CTTNBP2: variants seen among roughly 807,000 people sequenced by gnomAD.
The protein encoded by CTTNBP2 is cortactin-binding protein 2.
CTTNBP2 carries 108 observed loss-of-function variants against 156.9 expected under a neutral mutation model. The ratio of observed to expected loss-of-function variants is 0.69; its 90% confidence interval spans 0.59 to 0.81. The LOEUF is 0.81. CTTNBP2 is among the 30% of genes least tolerant of loss of function. The pLI is 0.00. For missense variants in CTTNBP2, 1,924 were observed against 2,035.4 expected (o/e 0.95, Z 1.05); for synonymous variants, 767 against 751.8 (o/e 1.02, Z -0.33).
intron 2 of CTTNBP2, among the ~76,000 whole-genome samples, chr7:117,813,104 T>C (rs1800383881): frequency 2.0e-5 from 3 of 152,162 alleles, no homozygotes; most frequent in African/African-American, 7.2e-5. Context: ...AGGAATGTCG[T>C]ACCGGACTGG....
chr7:117,819,365 T>A (rs1349278217), intron 2 of CTTNBP2, among the ~76,000 whole-genome samples: 28 of 136,918 alleles, frequency 2.0e-4, no homozygotes, highest in Admixed American at 4.3e-4. Flanking sequence ...CTTCTCTCTC[T>A]CTCACACACA....
intron 7 of CTTNBP2, among the ~76,000 whole-genome samples, chr7:117,779,786 G>A (rs1266915388): frequency 1.3e-5 from 2 of 151,654 alleles, no homozygotes; most frequent in African/African-American, 4.8e-5. Flanking sequence ...TTGAGGCAGA[G>A]TTTTGCTCTT....
chr7:117,860,589 C>T (rs968285953), intron 2 of CTTNBP2, among the ~76,000 whole-genome samples: 5 of 152,104 alleles, frequency 3.3e-5, no homozygotes, highest in Admixed American at 2.6e-4. Context: ...ATGATCCGCC[C>T]ACCTCGGCCT....
chr7:117,758,965 C>G (rs1464331446), intron 10 of CTTNBP2, among the ~76,000 whole-genome samples: 1 of 152,148 alleles, frequency 6.6e-6, no homozygotes, highest in Admixed American at 6.5e-5. Context: ...GATGGGGGGC[C>G]ATTTCCTTCA....
chr7:117,784,473 C>T lies in CTTNBP2; in HGVS notation c.2069-19G>A. On this transcript the variant is annotated intron_variant, in intron 4 of 22. Coordinates refer to ENST00000160373, the MANE Select transcript of CTTNBP2 (RefSeq NM_033427.3). ...GACCAGCCTGTAGGTTAAAGTGACC[C>T]TCGTTAGAGAGTAGGAGCAAGGACA... 6.5e-7 allele frequency: 1 copy of T among 1,545,130 alleles called. No homozygotes were observed. The highest frequency in any genetic ancestry group is 8.7e-7 in the Non-Finnish European group (1 of 1,149,506).
chr7:117,860,686 A>G (rs1020811545), intron 2 of CTTNBP2, among the ~76,000 whole-genome samples: 1 of 152,220 alleles, frequency 6.6e-6, no homozygotes, highest in Non-Finnish European at 1.5e-5. Context: ...AAGCAATTAC[A>G]GAAATATTTC....
chr7:117,799,370 T>C (rs963262359), intron 3 of CTTNBP2, among the ~76,000 whole-genome samples: 1 of 151,958 alleles, frequency 6.6e-6, no homozygotes, highest in African/African-American at 2.4e-5. Context: ...AAAATCAATC[T>C]GTGTAACTCA....
chr7:117,772,254 G>A (rs1044158330), intron 8 of CTTNBP2, among the ~76,000 whole-genome samples: 1 of 152,224 alleles, frequency 6.6e-6, no homozygotes, highest in African/African-American at 2.4e-5. Flanking sequence ...GACAGCAGAT[G>A]ATGAGGGCTC....
At chr7:117,795,681 T>C (rs1430618386) in intron 3 of CTTNBP2, among the ~76,000 whole-genome samples, 1 of 152,216 alleles carries the variant, frequency 6.6e-6, no homozygotes, top group Non-Finnish European at 1.5e-5. Flanking sequence ...GAGTTCCAAG[T>C]GGAGAGCAAT....
At chr7:117,826,905 A>C (rs1801323267) in intron 2 of CTTNBP2, among the ~76,000 whole-genome samples, 1 of 150,744 alleles carries the variant, frequency 6.6e-6, no homozygotes, top group Non-Finnish European at 1.5e-5. Context: ...TCTGCTGTCC[A>C]GGCTGGAGTG....
intron 22 of CTTNBP2, among the ~76,000 whole-genome samples, chr7:117,714,977 G>A (rs946813842): frequency 2.0e-5 from 3 of 152,184 alleles, no homozygotes. Flanking sequence ...ATATTGCTGT[G>A]CATGTTAAAC....
chr7:117,748,062 A>C (rs1236972712), intron 12 of CTTNBP2, among the ~76,000 whole-genome samples: 1 of 152,162 alleles, frequency 6.6e-6, no homozygotes, highest in African/African-American at 2.4e-5. Context: ...GCAGGCAAGG[A>C]CCAAACCTGG....
chr7:117,772,457 C>G (rs1797848221), intron 8 of CTTNBP2, among the ~76,000 whole-genome samples: 1 of 152,046 alleles, frequency 6.6e-6, no homozygotes. Flanking sequence ...GCCAAGAAGC[C>G]TAAACATTAG....
chr7:117,803,135 C>T (rs1799729552), intron 3 of CTTNBP2, among the ~76,000 whole-genome samples: 1 of 149,970 alleles, frequency 6.7e-6, no homozygotes, highest in South Asian at 2.1e-4. Flanking sequence ...AACCTAGGTG[C>T]CCATCAACAG....
At chr7:117,740,743 C>T (rs1333624913) in intron 14 of CTTNBP2, among the ~76,000 whole-genome samples, 1 of 152,218 alleles carries the variant, frequency 6.6e-6, no homozygotes, top group East Asian at 1.9e-4. Flanking sequence ...AAGGATCATT[C>T]CCTGCTGCAT....
intron 22 of CTTNBP2, among the ~76,000 whole-genome samples, chr7:117,713,411 A>ATTTCTTCAATACTAATTTCTAAAGCCTT (rs1483518787): frequency 6.6e-6 from 1 of 152,074 alleles, no homozygotes; most frequent in East Asian, 1.9e-4. Flanking sequence ...TATTTATTGC[A>ATTTCTTCAATACTAATTTCTAAAGCCTT]TTTCTTCAAT....
At chr7:117,811,629 C>A (rs1800284513) in intron 2 of CTTNBP2, among the ~76,000 whole-genome samples, 1 of 151,982 alleles carries the variant, frequency 6.6e-6, no homozygotes, top group South Asian at 2.1e-4. Context: ...GAAATATTGA[C>A]AATTAAAATA....
chr7:117,803,415 A>G lies in CTTNBP2; in HGVS notation c.414+7350T>C, dbSNP rs549455406. On this transcript the variant is annotated intron_variant, in intron 3 of 22. Coordinates refer to ENST00000160373, the MANE Select transcript of CTTNBP2 (RefSeq NM_033427.3). ...AGGGGAAAGGGGAAAGGACTGAAAA[A>G]CTACCTATTGGGTACTATGCTCACT... Among the ~76,000 whole-genome samples the G allele has an allele frequency of 1.1e-4, 16 of 152,230 alleles. No individual in the cohort carries two copies. In the East Asian group the frequency reaches 3.1e-3, roughly 29 times the overall value.
rs2116865647 is a variant in CTTNBP2 at position 117,792,221 on chromosome 7, G to A, written c.975C>T (p.Thr325=). The part of the protein sequence containing the change: ...NADHMKKLPL[T]MPVKPSTGSP... Reference sequence around the variant, plus strand: ...TCCCTGTGGAAGGTTTTACAGGCATGGTTAAAGGCAACTTTTTCATGTGGT... The same window carrying A: ...TCCCTGTGGAAGGTTTTACAGGCATAGTTAAAGGCAACTTTTTCATGTGGT... The change falls in exon 4 of 23, where the codon ACC becomes ACT. Residue 325 remains threonine (T), a synonymous_variant. Coordinates refer to ENST00000160373, the MANE Select transcript of CTTNBP2 (RefSeq NM_033427.3). The surrounding 1 kb of genome is among the most constrained non-coding windows in gnomAD (Gnocchi z 4.2). 1 of 1,614,190 alleles carries A rather than the reference G, an allele frequency of 6.2e-7. No individual in the cohort carries two copies. Among genetic ancestry groups the A allele is most frequent in the Non-Finnish European group, 8.5e-7 (1 of 1,180,034 alleles).
Sources: gnomAD v4.1 joint callset for allele counts (sites outside exome capture counted in the v4.1 genomes callset) on GRCh38, gnomAD v4.1.1 for gene constraint, Gnocchi (gnomAD v3.1) non-coding constraint, MANE v1.5 for transcripts, NCBI Gene and HGNC (gene_info 2026-07-23, HGNC 2026-07-21) for gene names.